Variants in CPNE4 observed in about 807,000 individuals in gnomAD.
CPNE4 encodes copine 4, also known as copine-4.
In CPNE4, 25 loss-of-function variants were observed where a neutral mutation model predicts 67.9. The observed-to-expected ratio is 0.37, with a 90% CI of 0.27 to 0.51. The LOEUF (loss-of-function observed/expected upper bound fraction) is 0.51, where lower values mean the gene tolerates loss of function less well. Ranked by LOEUF, CPNE4 falls within the 20% of genes least tolerant of loss-of-function variation. The probability of loss-of-function intolerance (pLI) is 0.93; values close to 1 mark genes in which losing one functional copy is unlikely to be tolerated. For missense variants in CPNE4, 464 were observed against 690.8 expected, an observed-to-expected ratio of 0.67 and a Z score of 3.68; for synonymous variants, 242 against 244.9, an observed-to-expected ratio of 0.99 and a Z score of 0.11.
chr3:131,805,716 C>T (rs13098337), intron 2 of CPNE4, among the ~76,000 whole-genome samples: 1 of 152,178 alleles, frequency 6.6e-6, no homozygotes, highest in Non-Finnish European at 1.5e-5. Context: ...ATGGTAGTGA[C>T]TGGGTACCAA....
chr3:132,023,779 A>G (rs9879721), intron 1 of CPNE4, among the ~76,000 whole-genome samples: 37,389 of 152,174 alleles, frequency 0.25, 4,843 homozygotes, highest in East Asian at 0.39. Flanking sequence ...GAGCCACCGC[A>G]CCCGGCCCAG....
chr3:131,561,828 T>C (rs1936785493), intron 11 of CPNE4, among the ~76,000 whole-genome samples: 1 of 152,068 alleles, frequency 6.6e-6, no homozygotes, highest in South Asian at 2.1e-4. Flanking sequence ...GTCTATTGTC[T>C]ATCCACCCAC....
At chr3:132,005,312 T>TAC (rs2073560833) in intron 1 of CPNE4, among the ~76,000 whole-genome samples, 2 of 41,446 alleles carry the variant, frequency 4.8e-5, no homozygotes, top group African/African-American at 1.2e-4. Flanking sequence ...GTGCCATTTT[T>TAC]ACATATATAT....
chr3:131,862,759 C>A (rs2086743925), intron 2 of CPNE4, among the ~76,000 whole-genome samples: 1 of 151,482 alleles, frequency 6.6e-6, no homozygotes, highest in African/African-American at 2.4e-5. Flanking sequence ...ACACAACGTG[C>A]AGGTTTGTTA....
chr3:131,616,800 A>G (rs1160264140), intron 7 of CPNE4, among the ~76,000 whole-genome samples: 3 of 152,240 alleles, frequency 2.0e-5, no homozygotes, highest in Non-Finnish European at 4.4e-5. Context: ...AACATAAAAG[A>G]AAAAGGTATA....
chr3:131,581,317 T>C (rs535927569), intron 9 of CPNE4, among the ~76,000 whole-genome samples: 11 of 152,312 alleles, frequency 7.2e-5, no homozygotes, highest in Admixed American at 7.2e-4. Flanking sequence ...TGGGCAGAGA[T>C]GATCCTAACC....
chr3:131,815,430 C>T (rs796627692), intron 2 of CPNE4, among the ~76,000 whole-genome samples: 8 of 152,268 alleles, frequency 5.3e-5, no homozygotes, highest in African/African-American at 1.9e-4. Context: ...TTTATATTTG[C>T]TAGCTAAATT....
chr3:131,598,835 A>G (rs1216310071), intron 7 of CPNE4, among the ~76,000 whole-genome samples: 1 of 142,092 alleles, frequency 7.0e-6, no homozygotes, highest in Non-Finnish European at 1.5e-5. Flanking sequence ...GACACTCTTT[A>G]AAATTGTCCC....
At chr3:131,665,040 G>C (rs914097959) in intron 7 of CPNE4, among the ~76,000 whole-genome samples, 2 of 152,106 alleles carry the variant, frequency 1.3e-5, no homozygotes, top group African/African-American at 4.8e-5. Flanking sequence ...AAAGCACTGA[G>C]TGTCTGATAC....
At chr3:131,883,829 T>C (rs1395201226) in intron 2 of CPNE4, among the ~76,000 whole-genome samples, 2 of 152,230 alleles carry the variant, frequency 1.3e-5, no homozygotes, top group Admixed American at 6.5e-5. Context: ...AACTTTTTCA[T>C]CTTGCATAAC....
At chr3:131,873,020 G>A (rs1403846570) in intron 2 of CPNE4, among the ~76,000 whole-genome samples, 1 of 152,174 alleles carries the variant, frequency 6.6e-6, no homozygotes, top group Non-Finnish European at 1.5e-5. Context: ...TAAGGTTTGA[G>A]GTAAAGTTTT....
intron 2 of CPNE4, among the ~76,000 whole-genome samples, chr3:131,850,371 T>C (rs1231391006): frequency 6.6e-6 from 1 of 152,064 alleles, no homozygotes; most frequent in Non-Finnish European, 1.5e-5. Flanking sequence ...AACACTGAGT[T>C]TGAATTCAAA....
intron 10 of CPNE4, among the ~76,000 whole-genome samples, chr3:131,568,732 G>C (rs569809324): frequency 6.6e-6 from 1 of 152,016 alleles, no homozygotes; most frequent in African/African-American, 2.4e-5. Flanking sequence ...CTGGGAAAAG[G>C]CTGGTTGCAA....
intron 7 of CPNE4, among the ~76,000 whole-genome samples, chr3:131,661,103 T>C (rs2080113323): frequency 1.3e-5 from 2 of 152,340 alleles, no homozygotes; most frequent in South Asian, 4.1e-4. Flanking sequence ...TTAACTTCTA[T>C]TACACAGGGG....
At chr3:131,661,841 T>C (rs1655048914) in intron 7 of CPNE4, among the ~76,000 whole-genome samples, 1 of 152,276 alleles carries the variant, frequency 6.6e-6, no homozygotes, top group Middle Eastern at 3.4e-3. Flanking sequence ...AGGTTCTTTG[T>C]TGCAGGTGTT....
intron 7 of CPNE4, among the ~76,000 whole-genome samples, chr3:131,666,627 AC>A (rs2080270206): frequency 6.6e-6 from 1 of 152,232 alleles, no homozygotes; most frequent in Non-Finnish European, 1.5e-5. Context: ...ATAGATGGAA[AC>A]ACTGAAATAT....
intron 5 of CPNE4, among the ~76,000 whole-genome samples, chr3:131,689,948 A>G (rs1354410296): frequency 2.0e-5 from 3 of 152,278 alleles, no homozygotes; most frequent in Non-Finnish European, 4.4e-5. Flanking sequence ...TACAACAGCT[A>G]GAAAAAATGA....
intron 7 of CPNE4, among the ~76,000 whole-genome samples, chr3:131,626,897 A>C (rs1479451572): frequency 1.3e-5 from 2 of 152,180 alleles, no homozygotes; most frequent in African/African-American, 4.8e-5. Context: ...TAGGTTCCTT[A>C]AAAGTTATGC....
At chr3:131,840,510 C>A (rs1426391260) in intron 2 of CPNE4, among the ~76,000 whole-genome samples, 19 of 152,176 alleles carry the variant, frequency 1.2e-4, no homozygotes, top group Admixed American at 1.2e-3. Flanking sequence ...AATCAAAGGA[C>A]TGTCAAAGCA....
Sources: allele counts gnomAD v4.1 joint callset (sites outside exome capture counted in the v4.1 genomes callset), GRCh38; gene constraint gnomAD v4.1.1; transcripts MANE v1.5; gene names NCBI Gene and HGNC (gene_info 2026-07-23, HGNC 2026-07-21).